SLC7A6: variants seen among roughly 807,000 people sequenced by gnomAD.
The protein encoded by SLC7A6 is solute carrier family 7 member 6, also known as Y+L amino acid transporter 2.
SLC7A6 carries 29 observed loss-of-function variants against 46.6 expected under a neutral mutation model. The observed-to-expected ratio is 0.62, with a 90% CI of 0.46 to 0.85. The LOEUF (loss-of-function observed/expected upper bound fraction) is 0.85. Ranked by LOEUF, SLC7A6 falls within the 40% of genes least tolerant of loss-of-function variation. SLC7A6 has a pLI of 0.00. For synonymous variants in SLC7A6, 276 were observed against 257.3 expected (o/e 1.07, Z -0.70); for missense variants, 527 against 647.6 (o/e 0.81, Z 2.02).
chr16:68,301,440 G>A lies in SLC7A6; in HGVS notation c.*4112G>A, dbSNP rs776327889. The A allele has an allele frequency of 6.3e-7, 1 of 1,598,258 alleles. No homozygotes were observed. The stretch of plus-strand genomic sequence containing the variant: ...CATCCCGGGAGTGGATTCTAAATGT[G>A]ATTTTCCTAGGCTACTGCAGGAGCC... On this transcript the variant is annotated 3_prime_UTR_variant, in exon 11 of 11. Coordinates refer to ENST00000219343, the MANE Select transcript of SLC7A6 (RefSeq NM_003983.6).
intron 3 of SLC7A6, among the ~76,000 whole-genome samples, chr16:68,278,218 G>A (rs1264567575): frequency 2.0e-5 from 3 of 152,172 alleles, no homozygotes; most frequent in Non-Finnish European, 2.9e-5. Context: ...GCCTCCCAAA[G>A]TGCTGGGATT....
chr16:68,286,525 G>T (rs2042938017), intron 3 of SLC7A6, among the ~76,000 whole-genome samples: 1 of 152,176 alleles, frequency 6.6e-6, no homozygotes, highest in South Asian at 2.1e-4. Context: ...GGGCCCAAAA[G>T]ATTTTGTAGT....
At chr16:68,291,787 G>T (rs761604339) in intron 7 of SLC7A6, 126 bp downstream of exon 7, 1 of 716,304 alleles carries the variant, frequency 1.4e-6, no homozygotes, top group Non-Finnish European at 2.4e-6. Context: ...GTGTGTGTGT[G>T]TGTGTGTGTG....
chr16:68,294,517 G>A (rs767818578), intron 7 of SLC7A6, among the ~76,000 whole-genome samples, 188 bp from the exon 8 acceptor site: 6 of 151,900 alleles, frequency 3.9e-5, no homozygotes, highest in Non-Finnish European at 8.8e-5. Context: ...TGAAGAGGGA[G>A]GGAAAATCTG....
intron 2 of SLC7A6, among the ~76,000 whole-genome samples, chr16:68,268,488 A>G (rs1161184683): frequency 6.6e-6 from 1 of 152,226 alleles, no homozygotes; most frequent in Non-Finnish European, 1.5e-5. Context: ...TTTAGTCATT[A>G]CAAAAATTTT....
intron 2 of SLC7A6, among the ~76,000 whole-genome samples, chr16:68,268,920 T>C (rs1199459886): frequency 6.6e-6 from 1 of 151,926 alleles, no homozygotes; most frequent in African/African-American, 2.4e-5. Flanking sequence ...GGCAGGAGAA[T>C]AGCTTGAACC....
At chr16:68,290,902 A>G in intron 5 of SLC7A6, 1 of 477,210 alleles carries the variant, frequency 2.1e-6, no homozygotes, top group South Asian at 2.2e-5. Context: ...CCTGGCATCC[A>G]GTCCCCAGGA....
intron 3 of SLC7A6, among the ~76,000 whole-genome samples, chr16:68,282,311 G>A (rs1160515490): frequency 1.3e-5 from 2 of 152,072 alleles, no homozygotes; most frequent in African/African-American, 4.8e-5. Flanking sequence ...GCTCATGCCT[G>A]TAATCTCAGC....
intron 3 of SLC7A6, among the ~76,000 whole-genome samples, chr16:68,286,691 G>A (rs1401033748): frequency 1.3e-5 from 2 of 152,190 alleles, no homozygotes; most frequent in Non-Finnish European, 2.9e-5. Flanking sequence ...CTCAGCACAG[G>A]GCCCAGATGT....
At chr16:68,291,036 G>A in intron 5 of SLC7A6, 173 bp from the exon 6 acceptor site, 1 of 722,682 alleles carries the variant, frequency 1.4e-6, no homozygotes, top group Non-Finnish European at 2.4e-6. Flanking sequence ...CACAGAGAAA[G>A]TTGGGTCTTT....
In SLC7A6 at chr16:68,273,769, G is replaced by A. The variant is rs2042661157; in HGVS notation, c.-36-922G>A. On this transcript the variant is annotated intron_variant, in intron 2 of 10. Coordinates refer to ENST00000219343, the MANE Select transcript of SLC7A6 (RefSeq NM_003983.6). ...GTGTTGCAGACACAGTGATACCCAG[G>A]CATGTATTTTTTTTTTTTTTTTGAG... 5 of 133,282 alleles carry A rather than the reference G, an allele frequency of 3.8e-5. No individual in the cohort carries two copies. The Admixed American group carries it at 4.2e-4, about 11-fold the overall frequency. The allele number at this position is 133,282 out of a possible 1,614,324, so 8.3% of individuals were successfully genotyped here. A position where few individuals can be genotyped will look rare whatever the true frequency, so the allele number is the denominator to read the frequency against.
At position 68,301,104 on chromosome 16, in the gene SLC7A6, C is replaced by G; in HGVS notation, c.*3776C>G. The G allele has an allele frequency of 7.5e-7, 1 of 1,339,496 alleles. No individual in the cohort carries two copies. Among genetic ancestry groups the G allele is most frequent in the Non-Finnish European group, 9.6e-7 (1 of 1,042,530 alleles). The allele number at this position is 1,339,496 out of a possible 1,614,324, so 83.0% of individuals were successfully genotyped here. On this transcript the variant is annotated 3_prime_UTR_variant, in exon 11 of 11. Coordinates refer to ENST00000219343, the MANE Select transcript of SLC7A6 (RefSeq NM_003983.6). The stretch of plus-strand genomic sequence containing the variant: ...CTACTGTAAGTGGAAAAGACTCACT[C>G]CCCTAACATAAGTTTTCACTGTGGT...
In SLC7A6 at chr16:68,274,720, G is replaced by A. The variant is rs760869175; in HGVS notation, c.-7G>A. 1.8e-5 allele frequency: 29 copies of A among 1,613,744 alleles called. No homozygotes were observed. Among genetic ancestry groups the A allele is most frequent in the Admixed American group, 1.0e-4 (6 of 59,988 alleles). On this transcript the variant is annotated 5_prime_UTR_variant, in exon 3 of 11. Transcript: ENST00000219343. ...CAGCAAACACAGGTGTGCAGGAACC[G>A]TTTGTCATGGAAGCCAGGGAGCCTG...
rs531502830 is a variant in SLC7A6, at chr16:68,280,268, C to T, written c.523+5019C>T. On this transcript the variant is annotated intron_variant, in intron 3 of 10. Transcript: ENST00000219343. The stretch of plus-strand genomic sequence containing the variant: ...TTGAAATTGAGGCATGAGAGGGGTC[C>T]GGCTTGTTGGTTGGGAGACTGCCTA... Among the ~76,000 whole-genome samples the T allele has an allele frequency of 1.1e-4, 16 of 152,214 alleles. No homozygotes were observed. The East Asian group carries it at 2.7e-3, about 26-fold the overall frequency.
chr16:68,300,569 C>G lies in SLC7A6; in HGVS notation c.*3241C>G. 1 of 958,496 alleles carries G rather than the reference C, an allele frequency of 1.0e-6. No individual in the cohort carries two copies. Among genetic ancestry groups the G allele is most frequent in the Non-Finnish European group, 1.2e-6 (1 of 806,304 alleles). The allele number at this position is 958,496 out of a possible 1,614,324, so 59.4% of individuals were successfully genotyped here. A position where few individuals can be genotyped will look rare whatever the true frequency, so the allele number is the denominator to read the frequency against. The stretch of plus-strand genomic sequence containing the variant: ...GAACCTTCTATTTCACTACCGCTCC[C>G]TGTTTTAGATATTCAGATTTAAAAG... On this transcript the variant is annotated 3_prime_UTR_variant, in exon 11 of 11. Transcript: ENST00000219343.
At position 68,298,640 on chromosome 16, in the gene SLC7A6, C is replaced by G. The variant is rs1250037665; in HGVS notation, c.*1312C>G. 1 of 152,222 alleles carries G rather than the reference C, an allele frequency of 6.6e-6. No individual in the cohort carries two copies. Among genetic ancestry groups the G allele is most frequent in the Non-Finnish European group, 1.5e-5 (1 of 68,060 alleles). The allele number at this position is 152,222 out of a possible 1,614,324, so 9.4% of individuals were successfully genotyped here. On this transcript the variant is annotated 3_prime_UTR_variant, in exon 11 of 11. Transcript: ENST00000219343. ...ACTTCTGTTTTCTCCCTGTGGAGAT[C>G]AGTGAAGACTGGGAGGAAAGCTGCT...
Position 68,300,937 on chromosome 16 carries a change from C to G in SLC7A6, c.*3609C>G. 1 of 1,007,514 alleles carries G rather than the reference C, an allele frequency of 9.9e-7. No homozygotes were observed. Among genetic ancestry groups the G allele is most frequent in the Non-Finnish European group, 1.2e-6 (1 of 844,608 alleles). 62.4% of individuals were successfully genotyped at this position (1,007,514 alleles called of 1,614,324 possible). On this transcript the variant is annotated 3_prime_UTR_variant, in exon 11 of 11. Coordinates refer to ENST00000219343, the MANE Select transcript of SLC7A6 (RefSeq NM_003983.6). Reference sequence around the variant, plus strand: ...ACTGCTAATGAAATGGGAACCTCCCCCTCCCTTGTGGTTTCAGCACAGAAC... The same window carrying G: ...ACTGCTAATGAAATGGGAACCTCCCGCTCCCTTGTGGTTTCAGCACAGAAC...
rs937076939 is a variant in SLC7A6 at position 68,265,353 on chromosome 16, A to C, written c.-166+777A>C. ...AAATTCTTTGCTGGGCTCTAAGCAA[A>C]CATGTTGTGTAATGGTCAGTATAAA... On this transcript the variant is annotated intron_variant, in intron 1 of 10. Transcript: ENST00000219343. Among the ~76,000 whole-genome samples, 6 of 152,124 alleles carry C rather than the reference A, an allele frequency of 3.9e-5. No individual in the cohort carries two copies. In the South Asian group the frequency reaches 1.2e-3, roughly 32 times the overall value.
intron 2 of SLC7A6, among the ~76,000 whole-genome samples, chr16:68,272,260 A>T (rs1424560930): frequency 1.9e-5 from 1 of 53,790 alleles, no homozygotes; most frequent in South Asian, 6.4e-4. Context: ...CAGACAAATT[A>T]AAAAAAAAAT....
Sources: allele counts gnomAD v4.1 joint callset (sites outside exome capture counted in the v4.1 genomes callset), GRCh38; gene constraint gnomAD v4.1.1; transcripts MANE v1.5; gene names NCBI Gene and HGNC (gene_info 2026-07-23, HGNC 2026-07-21).